The following CDKL3 variants were observed in gnomAD, a reference collection of about 807,000 sequenced individuals.
CDKL3 encodes the protein cyclin-dependent kinase-like 3.
In CDKL3, 65 loss-of-function variants were observed where a neutral mutation model predicts 69.3. The ratio of observed to expected loss-of-function variants is 0.94; its 90% CI spans 0.77 to 1.15. The LOEUF (loss-of-function observed/expected upper bound fraction) is 1.15. Ranked by LOEUF, CDKL3 falls within the 50% of genes most tolerant of loss-of-function variation. The probability of loss-of-function intolerance (pLI) is 0.00; values close to 1 mark genes in which losing one functional copy is unlikely to be tolerated. For missense variants in CDKL3, 652 were observed against 689.2 expected, an observed-to-expected ratio of 0.95 and a Z score of 0.61; for synonymous variants, 202 against 221.6, an observed-to-expected ratio of 0.91 and a Z score of 0.79.
chr5:134,371,450 C>G, upstream of CDKL3: 2 of 1,029,244 alleles, frequency 1.9e-6, no homozygotes, highest in Non-Finnish European at 1.4e-6. Context: ...AGGGAGACGT[C>G]ATTGCAGGGT....
intron 4 of CDKL3, among the ~76,000 whole-genome samples, chr5:134,324,627 T>C (rs978881187): frequency 2.6e-5 from 4 of 152,202 alleles, no homozygotes; most frequent in African/African-American, 7.2e-5. Context: ...TCCAACTATA[T>C]GATATTCTGG....
intron 6 of CDKL3, among the ~76,000 whole-genome samples, chr5:134,315,332 ATTAT>A (rs1770735530): frequency 6.6e-6 from 1 of 152,064 alleles, no homozygotes; most frequent in Admixed American, 6.6e-5. Context: ...TAGGTTAAGG[ATTAT>A]TTTTTTCTTT....
rs1313545588 is a variant in CDKL3, at chr5:134,361,931, C to T, written c.166-1840G>A. Among the ~76,000 whole-genome samples, 4 of 152,002 alleles carry T rather than the reference C, an allele frequency of 2.6e-5. No homozygotes were observed. The South Asian group carries it at 6.2e-4, about 24-fold the overall frequency. ...AGGAATTGATTGCTTTTGGACACTA[C>T]CATATTAATCCTCTACTTAAGGAAA... On this transcript the variant is annotated intron_variant, in intron 2 of 12. Coordinates refer to ENST00000265334, the MANE Select transcript of CDKL3 (RefSeq NM_001113575.2).
At chr5:134,296,041 T>C (rs1046367323), downstream of CDKL3, among the ~76,000 whole-genome samples, 3 of 152,008 alleles carry the variant, frequency 2.0e-5, no homozygotes, top group African/African-American at 7.2e-5. Context: ...GGACGACAGG[T>C]GCCCACCACC....
chr5:134,354,785 A>G (rs1045864414), intron 3 of CDKL3, among the ~76,000 whole-genome samples: 3 of 152,072 alleles, frequency 2.0e-5, no homozygotes, highest in Non-Finnish European at 2.9e-5. Flanking sequence ...CGTCTCTACT[A>G]AAAATACAAA....
rs796226818 is a variant in CDKL3, at chr5:134,367,046, G to A, written c.-91C>T. Reference sequence around the variant, plus strand: ...CGCCGCCGCCTCAGCCCATTCTGTGGTCCCGCTGGTCTGGCTCTGCGTAGT... The same window carrying A: ...CGCCGCCGCCTCAGCCCATTCTGTGATCCCGCTGGTCTGGCTCTGCGTAGT... On this transcript the variant is annotated 5_prime_UTR_variant, in exon 1 of 13. Transcript: ENST00000265334. The A allele has an allele frequency of 1.8e-5, 18 of 988,658 alleles. No individual in the cohort carries two copies. In the African/African-American group the frequency reaches 3.1e-4, roughly 17 times the overall value. 61.2% of individuals were successfully genotyped at this position (988,658 alleles called of 1,614,324 possible). A position where few individuals can be genotyped will look rare whatever the true frequency, so the allele number is the denominator to read the frequency against.
rs547776169 is a variant in CDKL3 at position 134,316,706 on chromosome 5, G to C, written c.792+2652C>G. 2.0e-5 allele frequency among the ~76,000 whole-genome samples: 3 copies of C among 152,156 alleles called. No homozygotes were observed. In the East Asian group the frequency reaches 5.8e-4, roughly 29 times the overall value. On this transcript the variant is annotated intron_variant, in intron 6 of 12. Coordinates refer to ENST00000265334, the MANE Select transcript of CDKL3 (RefSeq NM_001113575.2). ...AACAGTTAAATAAACTAATTGTATA[G>C]TCATACAATGAAATACTACGCAATC...
chr5:134,371,500 G>GCGGCGA (rs917983199), upstream of CDKL3: 9 of 1,490,584 alleles, frequency 6.0e-6, no homozygotes, highest in African/African-American at 2.9e-5. Flanking sequence ...GGCGGCGGCG[G>GCGGCGA]CGGCGATCCA....
At chr5:134,302,123 T>C (rs920694069) in intron 12 of CDKL3, 22 of 456,038 alleles carry the variant, frequency 4.8e-5, no homozygotes, top group African/African-American at 4.4e-4. Flanking sequence ...GGACTGGGAA[T>C]ATTTCAACAA....
At chr5:134,343,384 C>T (rs917340284) in intron 4 of CDKL3, among the ~76,000 whole-genome samples, 27 of 152,218 alleles carry the variant, frequency 1.8e-4, no homozygotes, top group African/African-American at 6.3e-4. Flanking sequence ...CCAAGCTGTC[C>T]TCGTTCATTC....
At chr5:134,340,144 A>T (rs1750115521) in intron 4 of CDKL3, among the ~76,000 whole-genome samples, 6 of 152,132 alleles carry the variant, frequency 3.9e-5, no homozygotes, top group Admixed American at 3.9e-4. Flanking sequence ...ACAGAGCAAG[A>T]TCCTGTCTCA....
chr5:134,341,967 G>A (rs970936485), intron 4 of CDKL3, among the ~76,000 whole-genome samples: 3 of 152,158 alleles, frequency 2.0e-5, no homozygotes, highest in Non-Finnish European at 2.9e-5. Context: ...TGCTTTAGGA[G>A]GCCCCTCTTT....
intron 1 of CDKL3, 108 bp from the exon 2 acceptor site, chr5:134,366,652 G>T: frequency 1.4e-6 from 1 of 708,952 alleles, no homozygotes; most frequent in Non-Finnish European, 2.2e-6. Context: ...CAAATATAGA[G>T]ACATTAAAAA....
chr5:134,319,594 C>T, intron 5 of CDKL3, 97 bp from the exon 6 acceptor site: 3 of 1,001,452 alleles, frequency 3.0e-6, no homozygotes, highest in Non-Finnish European at 1.4e-6. Context: ...TTACTAAAAA[C>T]TGATACAAGG....
upstream of CDKL3, among the ~76,000 whole-genome samples, chr5:134,367,759 G>GA (rs1352176051): frequency 6.6e-6 from 1 of 151,996 alleles, no homozygotes; most frequent in East Asian, 1.9e-4. Flanking sequence ...CTTTTTTAAA[G>GA]AAAAAAAACC....
At chr5:134,371,422 G>C (rs1758391446), upstream of CDKL3, 1 of 821,104 alleles carries the variant, frequency 1.2e-6, no homozygotes, top group Non-Finnish European at 1.9e-6. Context: ...GGAGGGCGGA[G>C]GGATCCGGAG....
At chr5:134,371,415 G>GGGCGGAGGGATCCGGAGGC (rs1043219025), upstream of CDKL3, 11 of 786,760 alleles carry the variant, frequency 1.4e-5, no homozygotes, top group East Asian at 5.4e-5. Context: ...TAGCGGCGGA[G>GGGCGGAGGGATCCGGAGGC]GGCGGAGGGA....
Position 134,366,983 on chromosome 5 carries a change from C to T in CDKL3, c.-28G>A. On this transcript the variant is annotated 5_prime_UTR_variant, in exon 1 of 13. An upstream open reading frame in the 5' UTR loses its in-frame stop. Coordinates refer to ENST00000265334, the MANE Select transcript of CDKL3 (RefSeq NM_001113575.2). The stretch of plus-strand genomic sequence containing the variant: ...ACGTCTTAGGATGCCGGACCGGCGT[C>T]ACGCCCCACGTCCCGCTGTTGACTT... 1 of 989,808 alleles carries T rather than the reference C, an allele frequency of 1.0e-6. No homozygotes were observed. The highest frequency in any genetic ancestry group is 1.2e-6 in the Non-Finnish European group (1 of 832,838). 61.3% of individuals were successfully genotyped at this position (989,808 alleles called of 1,614,324 possible). A position where few individuals can be genotyped will look rare whatever the true frequency, so the allele number is the denominator to read the frequency against.
At chr5:134,349,226 A>G (rs1752659341) in intron 4 of CDKL3, among the ~76,000 whole-genome samples, 1 of 152,194 alleles carries the variant, frequency 6.6e-6, no homozygotes, top group African/African-American at 2.4e-5. Context: ...TATTATTATA[A>G]TAACACAATA....
Sources: allele counts gnomAD v4.1 joint callset (sites outside exome capture counted in the v4.1 genomes callset), GRCh38; gene constraint gnomAD v4.1.1; transcripts MANE v1.5; gene names NCBI Gene and HGNC (gene_info 2026-07-23, HGNC 2026-07-21).